EPHA6: variants seen among roughly 807,000 people sequenced by gnomAD.
EPHA6 encodes EPH receptor A6, also known as ephrin type-A receptor 6.
EPHA6 carries 50 observed loss-of-function variants against 112.0 expected under a neutral mutation model. That is an observed-to-expected ratio of 0.45 (90% CI 0.36 to 0.56). The LOEUF (loss-of-function observed/expected upper bound fraction) is 0.56. Among genes scored for constraint, EPHA6 ranks in the 20% least tolerant of loss-of-function variants. The pLI is 0.00. For missense variants in EPHA6, 1,280 were observed against 1,417.4 expected (o/e 0.90, Z 1.56); for synonymous variants, 529 against 490.7 (o/e 1.08, Z -1.03).
intron 10 of EPHA6, among the ~76,000 whole-genome samples, chr3:97,518,915 A>G (rs1452096776): frequency 3.3e-5 from 5 of 152,028 alleles, no homozygotes; most frequent in Non-Finnish European, 5.9e-5. Flanking sequence ...TCAAGTAAAT[A>G]ATTTTCAGAT....
chr3:97,030,328 A>G (rs547901986), intron 3 of EPHA6, among the ~76,000 whole-genome samples: 1 of 152,118 alleles, frequency 6.6e-6, no homozygotes, highest in Non-Finnish European at 1.5e-5. Context: ...GAGATCTGCT[A>G]TGTTCCTGCC....
intron 3 of EPHA6, among the ~76,000 whole-genome samples, chr3:97,148,103 GCAT>G (rs1310174599): frequency 6.6e-6 from 1 of 151,998 alleles, no homozygotes; most frequent in African/African-American, 2.4e-5. Context: ...TGTTAACACA[GCAT>G]AATATACAGG....
At chr3:97,053,124 A>AGTAATGAAGGTATGAATGAG (rs1559696566) in intron 3 of EPHA6, among the ~76,000 whole-genome samples, 1 of 152,168 alleles carries the variant, frequency 6.6e-6, no homozygotes, top group Non-Finnish European at 1.5e-5. Context: ...ATCTATATGA[A>AGTAATGAAGGTATGAATGAG]GTAATGAAGG....
chr3:96,822,293 T>G (rs565684921), intron 1 of EPHA6, among the ~76,000 whole-genome samples: 1 of 152,092 alleles, frequency 6.6e-6, no homozygotes, highest in Non-Finnish European at 1.5e-5. Context: ...TATTAAAAAC[T>G]AATTCATGTT....
chr3:97,480,221 C>A (rs4303868), intron 9 of EPHA6, among the ~76,000 whole-genome samples: 25,644 of 148,468 alleles, frequency 0.17, 3,086 homozygotes, highest in African/African-American at 0.32. Context: ...TTTTTTCTTT[C>A]TTTTTATTTA....
chr3:97,547,094 T>C lies in EPHA6; in HGVS notation c.2386+14551T>C, dbSNP rs1366221563. On this transcript the variant is annotated intron_variant, in intron 11 of 17. Coordinates refer to ENST00000389672, the MANE Select transcript of EPHA6 (RefSeq NM_001080448.3). ...AAAGTCATTCTCCGTCCATCTTTGT[T>C]CCATTGGTGGTGAGGAGCTGCATTC... 2.0e-5 allele frequency among the ~76,000 whole-genome samples: 3 copies of C among 152,238 alleles called. No homozygotes were observed. In the East Asian group the frequency reaches 5.8e-4, roughly 29 times the overall value.
chr3:96,928,743 G>A (rs1559839518), intron 2 of EPHA6, among the ~76,000 whole-genome samples: 1 of 152,086 alleles, frequency 6.6e-6, no homozygotes, highest in Non-Finnish European at 1.5e-5. Context: ...CTATTATTGT[G>A]TGGGAGTCTA....
At chr3:97,587,619 A>G (rs894435518) in intron 11 of EPHA6, among the ~76,000 whole-genome samples, 4 of 152,182 alleles carry the variant, frequency 2.6e-5, no homozygotes, top group African/African-American at 9.6e-5. Context: ...CAGGTTTGCT[A>G]TGATATGGGT....
chr3:97,734,205 T>C (rs2035157407), intron 15 of EPHA6, among the ~76,000 whole-genome samples: 3 of 152,110 alleles, frequency 2.0e-5, no homozygotes. Context: ...GTCACCTATT[T>C]TATTCCATGC....
intron 17 of EPHA6, among the ~76,000 whole-genome samples, chr3:97,748,383 T>C (rs2035801752): frequency 6.6e-6 from 1 of 152,130 alleles, no homozygotes; most frequent in African/African-American, 2.4e-5. Context: ...AAACAAACTT[T>C]TGCTGCTCAT....
intron 2 of EPHA6, among the ~76,000 whole-genome samples, chr3:96,902,280 A>G (rs971261234): frequency 2.6e-5 from 4 of 152,322 alleles, no homozygotes; most frequent in African/African-American, 9.6e-5. Flanking sequence ...GACAACAGAA[A>G]CATCCTAGTT....
chr3:97,699,328 G>GGT (rs1345637559), intron 14 of EPHA6, among the ~76,000 whole-genome samples: 1 of 152,150 alleles, frequency 6.6e-6, no homozygotes, highest in Non-Finnish European at 1.5e-5. Flanking sequence ...GTTCAGCAGA[G>GGT]ACACTAATAT....
chr3:97,479,173 TA>T, intron 8 of EPHA6, 120 bp from the exon 9 acceptor site: 1 of 560,282 alleles, frequency 1.8e-6, no homozygotes, highest in Non-Finnish European at 3.0e-6. Flanking sequence ...GTTATAAAGA[TA>T]TTTTAAAAGT....
chr3:97,152,677 A>G (rs181062684), intron 3 of EPHA6, among the ~76,000 whole-genome samples: 5 of 152,204 alleles, frequency 3.3e-5, no homozygotes, highest in African/African-American at 7.2e-5. Context: ...TGGCTGCACA[A>G]CTAAAGTATT....
At chr3:97,250,877 C>A (rs74890132) in intron 5 of EPHA6, among the ~76,000 whole-genome samples, 1,656 of 143,190 alleles carry the variant, frequency 0.012, 35 homozygotes, top group African/African-American at 0.04. Flanking sequence ...TTTTTTTTTT[C>A]TCTTTTTTTA....
At chr3:96,884,666 A>G (rs1023011051) in intron 2 of EPHA6, among the ~76,000 whole-genome samples, 27 of 152,128 alleles carry the variant, frequency 1.8e-4, no homozygotes, top group Non-Finnish European at 1.0e-4. Context: ...TATTGTCAGC[A>G]AACAGTGACA....
At chr3:96,917,867 C>A (rs1338694085) in intron 2 of EPHA6, among the ~76,000 whole-genome samples, 1 of 151,986 alleles carries the variant, frequency 6.6e-6, no homozygotes, top group Admixed American at 6.6e-5. Flanking sequence ...TTATGACACC[C>A]CCAAAGGATA....
chr3:97,472,617 A>T (rs541647648), intron 7 of EPHA6, among the ~76,000 whole-genome samples: 1 of 151,782 alleles, frequency 6.6e-6, no homozygotes, highest in Non-Finnish European at 1.5e-5. Flanking sequence ...AATTATCCCC[A>T]TCAGGACCAA....
At chr3:97,093,828 A>G (rs2047151095) in intron 3 of EPHA6, among the ~76,000 whole-genome samples, 4 of 152,130 alleles carry the variant, frequency 2.6e-5, no homozygotes, top group Admixed American at 2.6e-4. Context: ...ACAGCTATTT[A>G]TGACCTTTTT....
Sources: gnomAD v4.1 joint callset for allele counts (sites outside exome capture counted in the v4.1 genomes callset) on GRCh38, gnomAD v4.1.1 for gene constraint, MANE v1.5 for transcripts, NCBI Gene and HGNC (gene_info 2026-07-23, HGNC 2026-07-21) for gene names.